SLC12A6: variants seen among roughly 807,000 people sequenced by gnomAD.
SLC12A6 encodes solute carrier family 12 member 6, also known as K-Cl cotransporter 3.
A neutral mutation model predicts 135.3 loss-of-function variants in SLC12A6; 66 were observed. The observed-to-expected ratio is 0.49, with a 90% CI of 0.40 to 0.60. The LOEUF (loss-of-function observed/expected upper bound fraction) is 0.60. Ranked by LOEUF, SLC12A6 falls within the 20% of genes least tolerant of loss-of-function variation. The pLI, the probability that SLC12A6 is intolerant of heterozygous loss-of-function variation, is 0.00. For synonymous variants in SLC12A6, 513 were observed against 508.8 expected, an observed-to-expected ratio of 1.01 and a Z score of -0.11; for missense variants, 1,058 against 1,452.3, an observed-to-expected ratio of 0.73 and a Z score of 4.41.
At chr15:34,320,640 G>A (rs1440585929) in intron 2 of SLC12A6, among the ~76,000 whole-genome samples, 1 of 151,450 alleles carries the variant, frequency 6.6e-6, no homozygotes, top group African/African-American at 2.4e-5. Flanking sequence ...AGCTAGGCTG[G>A]GTGAGGTGGC....
At chr15:34,294,189 C>G (rs1267539121) in intron 2 of SLC12A6, among the ~76,000 whole-genome samples, 1 of 152,132 alleles carries the variant, frequency 6.6e-6, no homozygotes, top group East Asian at 1.9e-4. Context: ...TGCCCCACTC[C>G]CAACTCTTTT....
At chr15:34,296,984 T>C (rs1182416994) in intron 2 of SLC12A6, among the ~76,000 whole-genome samples, 4 of 152,238 alleles carry the variant, frequency 2.6e-5, no homozygotes, top group Non-Finnish European at 5.9e-5. Flanking sequence ...TAACTACAAA[T>C]GTTTATTAAG....
chr15:34,280,422 C>G (rs1371234897), intron 2 of SLC12A6, among the ~76,000 whole-genome samples: 1 of 151,746 alleles, frequency 6.6e-6, no homozygotes, highest in Non-Finnish European at 1.5e-5. Flanking sequence ...TTCAGGAAAA[C>G]AAACAACTGA....
chr15:34,313,761 T>C (rs879871596), intron 2 of SLC12A6, among the ~76,000 whole-genome samples: 18 of 152,216 alleles, frequency 1.2e-4, no homozygotes, highest in Admixed American at 2.6e-4. Flanking sequence ...CTGGTGACTT[T>C]AAGTTAAAGT....
intron 2 of SLC12A6, among the ~76,000 whole-genome samples, chr15:34,292,290 CCT>C: frequency 6.6e-6 from 1 of 152,234 alleles, no homozygotes; most frequent in South Asian, 2.1e-4. Context: ...CACTCCAGAC[CCT>C]GTTTGCCTGG....
chr15:34,234,113 A>C (rs1465873695), intron 25 of SLC12A6, 141 bp from the exon 26 acceptor site: 4 of 684,944 alleles, frequency 5.8e-6, no homozygotes, highest in Non-Finnish European at 1.1e-5. Flanking sequence ...TGAACTTTGG[A>C]TTGAATTTAA....
chr15:34,254,701 T>G, intron 8 of SLC12A6, 112 bp from the exon 9 acceptor site: 1 of 807,402 alleles, frequency 1.2e-6, no homozygotes, highest in East Asian at 2.6e-5. Flanking sequence ...AGAGAGAAAA[T>G]GACTGGGGAA....
At chr15:34,256,154 T>C in intron 7 of SLC12A6, 75 bp downstream of exon 7, 3 of 920,332 alleles carry the variant, frequency 3.3e-6, no homozygotes, top group Non-Finnish European at 5.5e-6. Flanking sequence ...CTTCAGAAGT[T>C]TGCACCTCTA....
chr15:34,235,303 T>C lies in SLC12A6; in HGVS notation c.3239A>G (p.Asn1080Ser). The change falls in exon 25 of 26, where the codon AAT (asparagine) becomes AGT (serine). Residue 1080 changes from asparagine (N) to serine (S), a missense_variant. Physicochemically the swap from Asn to Ser is conservative, Grantham distance 46. Transcript: ENST00000354181. ...CACTGCTGTATGCATCCGCCTCACATTGGACTGGTCCCTGAGTGGGGAAGA... is the reference window on the plus strand; with the variant it reads ...CACTGCTGTATGCATCCGCCTCACACTGGACTGGTCCCTGAGTGGGGAAGA... ...DLLNMRPDQSNVRRMHTAVKL... is the reference protein window; with the variant it reads ...DLLNMRPDQSSVRRMHTAVKL... 6.2e-7 allele frequency: 1 copy of C among 1,613,176 alleles called. No homozygotes were observed. Among genetic ancestry groups the C allele is most frequent in the Non-Finnish European group, 8.5e-7 (1 of 1,179,122 alleles).
chr15:34,246,239 G>C (rs1422285838), intron 13 of SLC12A6, among the ~76,000 whole-genome samples: 1 of 149,612 alleles, frequency 6.7e-6, no homozygotes, highest in Non-Finnish European at 1.5e-5. Flanking sequence ...AGCCCACCCA[G>C]TTTTTTTTTT....
At position 34,311,927 on chromosome 15, in the gene SLC12A6, G is replaced by A. The variant is rs145609365; in HGVS notation, c.271+24483C>T. 1.2e-3 allele frequency among the ~76,000 whole-genome samples: 176 copies of A among 152,168 alleles called. 3 individuals are homozygous for A. The East Asian group carries it at 0.029, about 25-fold the overall frequency. The stretch of plus-strand genomic sequence containing the variant: ...CTCTGAGATACCTGTCCAGGGTCCC[G>A]TCCAGTTAATATTATTATTCTATCA... On this transcript the variant is annotated intron_variant, in intron 2 of 25. Coordinates refer to ENST00000354181, the MANE Select transcript of SLC12A6 (RefSeq NM_001365088.1).
intron 20 of SLC12A6, 61 bp downstream of exon 20, chr15:34,238,904 A>C: frequency 1.2e-5 from 17 of 1,394,268 alleles, no homozygotes; most frequent in East Asian, 2.3e-5. Context: ...TGGGGGTGAC[A>C]GAGATTTAAC....
rs1371288241 is a variant in SLC12A6 at position 34,229,886 on chromosome 15, T to TATG, written c.*3992_*3994dup. 8.5e-7 allele frequency: 1 copy of TATG among 1,174,670 alleles called. No homozygotes were observed. Among genetic ancestry groups the TATG allele is most frequent in the Non-Finnish European group, 1.3e-6 (1 of 785,268 alleles). 72.8% of individuals were successfully genotyped at this position (1,174,670 alleles called of 1,614,324 possible). A position where few individuals can be genotyped will look rare whatever the true frequency, so the allele number is the denominator to read the frequency against. ...TCAGCATACTCTTAAACTAATCACT[T>TATG]ATGTTAAAAAGAACCAAAAGACTCT... On this transcript the variant is annotated 3_prime_UTR_variant, in exon 26 of 26. Transcript: ENST00000354181.
intron 2 of SLC12A6, among the ~76,000 whole-genome samples, chr15:34,327,127 T>TA (rs1238338429): frequency 9.2e-5 from 14 of 152,074 alleles, no homozygotes; most frequent in African/African-American, 2.7e-4. Context: ...AATTTCATCT[T>TA]AGTACAGAAT....
At chr15:34,241,005 T>C in intron 18 of SLC12A6, 176 bp from the exon 19 acceptor site, 1 of 664,944 alleles carries the variant, frequency 1.5e-6, no homozygotes, top group South Asian at 1.7e-5. Context: ...CTCCCAGTAC[T>C]ATCTCAAGTT....
chr15:34,326,038 C>A (rs948455484), intron 2 of SLC12A6, among the ~76,000 whole-genome samples: 4 of 152,210 alleles, frequency 2.6e-5, no homozygotes, highest in African/African-American at 9.6e-5. Context: ...TGATGGCTAG[C>A]TAATTTGATA....
chr15:34,250,672 G>A lies in SLC12A6; in HGVS notation c.1550C>T (p.Pro517Leu), dbSNP rs779754943. The A allele has an allele frequency of 2.5e-6, 4 of 1,605,050 alleles. No individual in the cohort carries two copies. Among genetic ancestry groups the A allele is most frequent in the Non-Finnish European group, 3.4e-6 (4 of 1,171,776 alleles). Residue 517 changes from proline (P) to leucine (L), a missense_variant, in exon 12 of 26, where the codon CCG (proline) becomes CTG (leucine). By Grantham distance (98) the Pro-to-Leu change is moderately conservative (BLOSUM62 -3). Transcript: ENST00000354181. ...CAGGATGGCAAGGATAGTACCAATC[G>A]GAATAGACTTCTGAGCATCTTTCAG... ...GDLKDAQKSI[P>L]IGTILAILTT...
chr15:34,303,406 A>G (rs1896391366), intron 2 of SLC12A6, among the ~76,000 whole-genome samples: 2 of 152,344 alleles, frequency 1.3e-5, no homozygotes, highest in Non-Finnish European at 2.9e-5. Flanking sequence ...GATCTTCAAT[A>G]ATTTAGAAAA....
Position 34,274,934 on chromosome 15 carries a change from G to A in SLC12A6, c.316+411C>T, listed in dbSNP as rs1169203686. ...AAGGAACTGGAACACCAAATTCTAA[G>A]GACTGCTTAAGGACATACTGTTTAT... On this transcript the variant is annotated intron_variant, in intron 3 of 25. Transcript: ENST00000354181. Among the ~76,000 whole-genome samples the A allele has an allele frequency of 2.6e-5, 4 of 152,016 alleles. No individual in the cohort carries two copies. In the East Asian group the frequency reaches 7.7e-4, roughly 29 times the overall value.
Sources: allele counts gnomAD v4.1 joint callset (sites outside exome capture counted in the v4.1 genomes callset), GRCh38; gene constraint gnomAD v4.1.1; transcripts MANE v1.5; gene names NCBI Gene and HGNC (gene_info 2026-07-23, HGNC 2026-07-21).